Variants in CSRNP3 observed in about 807,000 individuals in gnomAD.
The protein encoded by CSRNP3 is cysteine and serine rich nuclear protein 3.
In CSRNP3, 12 loss-of-function variants were observed where a neutral mutation model predicts 48.0. That is an observed-to-expected ratio of 0.25 (90% CI 0.16 to 0.41). CSRNP3 has a LOEUF of 0.41. Among genes scored for constraint, CSRNP3 ranks in the 10% least tolerant of loss-of-function variants. The pLI is 1.00. For synonymous variants in CSRNP3, 263 were observed against 269.7 expected, an observed-to-expected ratio of 0.98 and a Z score of 0.24; for missense variants, 580 against 724.4, an observed-to-expected ratio of 0.80 and a Z score of 2.29.
At chr2:165,579,883 A>G (rs1685512156) in intron 3 of CSRNP3, among the ~76,000 whole-genome samples, 1 of 150,642 alleles carries the variant, frequency 6.6e-6, no homozygotes, top group Non-Finnish European at 1.5e-5. Flanking sequence ...TACATTAGTA[A>G]CCAGTTCAGA....
intron 3 of CSRNP3, among the ~76,000 whole-genome samples, chr2:165,589,857 C>A (rs1266589407): frequency 1.3e-5 from 2 of 152,126 alleles, no homozygotes; most frequent in African/African-American, 2.4e-5. Flanking sequence ...CTTGAGAAGT[C>A]TACCTTTCCT....
chr2:165,605,372 C>A (rs947472958), intron 4 of CSRNP3, among the ~76,000 whole-genome samples: 9 of 151,998 alleles, frequency 5.9e-5, no homozygotes, highest in Admixed American at 1.3e-4. Flanking sequence ...AGCTTAAATA[C>A]CATTTCTTTA....
intron 2 of CSRNP3, among the ~76,000 whole-genome samples, chr2:165,503,220 A>G (rs904315089): frequency 3.9e-5 from 6 of 151,948 alleles, no homozygotes; most frequent in Non-Finnish European, 7.4e-5. Context: ...ATAAATTTCT[A>G]TATGTATTTA....
Position 165,680,092 on chromosome 2 carries a change from T to C in CSRNP3, c.*339T>C. The C allele has an allele frequency of 4.6e-6, 1 of 215,762 alleles. No individual in the cohort carries two copies. 13.4% of individuals were successfully genotyped at this position (215,762 alleles called of 1,614,324 possible). ...TTGGATTATCGGGCCTGTGCAAGAT[T>C]GTTAACTAAGGCTGGGAAATAATAA... is the stretch of plus-strand genomic sequence containing the variant. On this transcript the variant is annotated 3_prime_UTR_variant, in exon 7 of 7. Transcript: ENST00000651982.
intron 2 of CSRNP3, among the ~76,000 whole-genome samples, chr2:165,501,556 G>A (rs1677367662): frequency 6.6e-6 from 1 of 152,122 alleles, no homozygotes; most frequent in African/African-American, 2.4e-5. Flanking sequence ...GGAGTAATCA[G>A]AATAGCGAGT....
rs1354397671 is a variant in CSRNP3 at position 165,688,033 on chromosome 2, C to T, written c.*8280C>T. ...ACAAATAACACTAGGGGGAAATGAC[C>T]TTTTTTATTTAAAAAAAAAAAAAAG... On this transcript the variant is annotated 3_prime_UTR_variant, in exon 7 of 7. Coordinates refer to ENST00000651982, the MANE Select transcript of CSRNP3 (RefSeq NM_001172173.2). 1 of 114,006 alleles carries T rather than the reference C, an allele frequency of 8.8e-6. No homozygotes were observed. Among genetic ancestry groups the T allele is most frequent in the Non-Finnish European group, 1.9e-5 (1 of 52,384 alleles). 7.1% of individuals were successfully genotyped at this position (114,006 alleles called of 1,614,324 possible).
At chr2:165,514,103 C>T (rs1370384041) in intron 2 of CSRNP3, among the ~76,000 whole-genome samples, 1 of 152,196 alleles carries the variant, frequency 6.6e-6, no homozygotes, top group Non-Finnish European at 1.5e-5. Flanking sequence ...TGTTTGAAGA[C>T]AAATGATGTT....
chr2:165,640,646 T>C (rs1431321053), intron 4 of CSRNP3, among the ~76,000 whole-genome samples: 1 of 152,208 alleles, frequency 6.6e-6, no homozygotes, highest in Non-Finnish European at 1.5e-5. Flanking sequence ...TAGATTATTA[T>C]TGCTTAATTC....
At chr2:165,640,186 T>C (rs916652403) in intron 4 of CSRNP3, among the ~76,000 whole-genome samples, 1 of 152,214 alleles carries the variant, frequency 6.6e-6, no homozygotes, top group African/African-American at 2.4e-5. Flanking sequence ...CAAACACTTA[T>C]ACAGTACTTA....
At chr2:165,597,661 C>G (rs1302739493) in intron 4 of CSRNP3, among the ~76,000 whole-genome samples, 3 of 151,830 alleles carry the variant, frequency 2.0e-5, no homozygotes, top group African/African-American at 7.3e-5. Context: ...CAAAGTGAAA[C>G]AGTTTATATT....
chr2:165,584,302 A>G (rs533552774), intron 3 of CSRNP3, among the ~76,000 whole-genome samples: 21 of 152,132 alleles, frequency 1.4e-4, no homozygotes, highest in African/African-American at 5.1e-4. Context: ...TCCCAGCCTC[A>G]TTTTTCTAGC....
chr2:165,529,905 A>T (rs1684789309), intron 3 of CSRNP3, among the ~76,000 whole-genome samples: 1 of 152,214 alleles, frequency 6.6e-6, no homozygotes, highest in Admixed American at 6.5e-5. Context: ...TGCCTACTAA[A>T]CTTGATGTGT....
chr2:165,566,165 C>A (rs557395869), intron 3 of CSRNP3, among the ~76,000 whole-genome samples: 44 of 151,620 alleles, frequency 2.9e-4, no homozygotes, highest in Non-Finnish European at 5.3e-4. Flanking sequence ...CTCTAAGATG[C>A]GTTTCAAACA....
At chr2:165,566,217 A>T (rs1003803262) in intron 3 of CSRNP3, among the ~76,000 whole-genome samples, 128 of 152,080 alleles carry the variant, frequency 8.4e-4, no homozygotes, top group African/African-American at 2.6e-3. Context: ...GATAAAAAAA[A>T]ATCTTAGCAT....
chr2:165,540,556 A>G (rs1409937389), intron 3 of CSRNP3, among the ~76,000 whole-genome samples: 1 of 152,066 alleles, frequency 6.6e-6, no homozygotes, highest in East Asian at 1.9e-4. Context: ...CTGTGAAGTC[A>G]GCTTCTCTTC....
chr2:165,595,871 A>C (rs571580327), intron 4 of CSRNP3, among the ~76,000 whole-genome samples: 6 of 152,304 alleles, frequency 3.9e-5, no homozygotes, highest in African/African-American at 1.4e-4. Context: ...AACTTGGCTC[A>C]CTGCAACCCC....
At position 165,490,559 on chromosome 2, in the gene CSRNP3, C is replaced by G. The variant is rs1241225017; in HGVS notation, c.-282-4200C>G. 3.2e-3 allele frequency among the ~76,000 whole-genome samples: 466 copies of G among 144,936 alleles called. 6 individuals carry two copies. Among genetic ancestry groups the G allele is most frequent in the African/African-American group, 0.012 (441 of 38,094 alleles). ...CCTGACTTCAAACTATACTACAAGG[C>G]TACAGTAACCAAAACAGCATGGTAC... On this transcript the variant is annotated intron_variant, in intron 1 of 6. Transcript: ENST00000651982.
chr2:165,572,227 T>C (rs1685384451), intron 3 of CSRNP3: 1 of 152,166 alleles, frequency 6.6e-6, no homozygotes, highest in African/African-American at 2.4e-5. Context: ...CCTTATCTGT[T>C]ATTCCTTCCT....
chr2:165,555,822 T>C (rs978649942), intron 3 of CSRNP3, among the ~76,000 whole-genome samples: 9 of 152,152 alleles, frequency 5.9e-5, no homozygotes, highest in African/African-American at 1.7e-4. Flanking sequence ...TGCAATTTCA[T>C]GAAGGCATGA....
Sources: allele counts gnomAD v4.1 joint callset (sites outside exome capture counted in the v4.1 genomes callset), GRCh38; gene constraint gnomAD v4.1.1; transcripts MANE v1.5; gene names NCBI Gene and HGNC (gene_info 2026-07-23, HGNC 2026-07-21).